DMD: variants seen among roughly 807,000 people sequenced by gnomAD.
DMD encodes the protein mutant dystrophin.
Under a neutral mutation model 330.1 loss-of-function variants are expected in DMD, and 63 were observed. That is an observed-to-expected ratio of 0.19 (90% CI 0.16 to 0.24). DMD has a LOEUF of 0.24. Among genes scored for constraint, DMD ranks in the 10% least tolerant of loss-of-function variants. The probability of loss-of-function intolerance (pLI) is 1.00; values close to 1 mark genes in which losing one functional copy is unlikely to be tolerated. For missense variants in DMD, 3,344 were observed against 2,684.1 expected, an observed-to-expected ratio of 1.25 and a Z score of -5.43; for synonymous variants, 1,223 against 959.8, an observed-to-expected ratio of 1.27 and a Z score of -5.07.
chrX:32,081,803 G>A (rs2096393563), intron 44 of DMD, among the ~76,000 whole-genome samples: 1 of 111,125 alleles, frequency 9.0e-6, no homozygotes, highest in South Asian at 3.8e-4. Context: ...ACAGTGAGAC[G>A]AGATTGTGCC....
At chrX:33,033,060 C>T (rs1418213208) in intron 1 of DMD, among the ~76,000 whole-genome samples, 2 of 111,094 alleles carry the variant, frequency 1.8e-5, no homozygotes, top group Non-Finnish European at 3.8e-5. Flanking sequence ...ATCCTGGGAG[C>T]TAATCAAAAG....
intron 51 of DMD, among the ~76,000 whole-genome samples, chrX:31,736,891 T>C: frequency 9.0e-6 from 1 of 111,667 alleles, no homozygotes; most frequent in Middle Eastern, 4.6e-3. Context: ...ATGCTGTCTG[T>C]ATCATTTCCA....
intron 32 of DMD, among the ~76,000 whole-genome samples, chrX:32,387,343 T>G (rs2147575541): frequency 9.0e-6 from 1 of 111,205 alleles, no homozygotes; most frequent in South Asian, 3.7e-4. Flanking sequence ...TGTATTCAAA[T>G]ATATGTACGT....
chrX:31,489,472 GC>G (rs2146980027), intron 57 of DMD, among the ~76,000 whole-genome samples: 1 of 111,786 alleles, frequency 8.9e-6, no homozygotes, highest in South Asian at 3.8e-4. Context: ...CCTCACATAG[GC>G]CAGTACTCCT....
chrX:33,072,310 C>T (rs1230690773), intron 1 of DMD, among the ~76,000 whole-genome samples: 2 of 111,247 alleles, frequency 1.8e-5, no homozygotes, highest in South Asian at 3.8e-4. Context: ...CCTAGCTACT[C>T]GGGAGGCTGA....
At chrX:31,813,052 A>G (rs2092510684) in intron 50 of DMD, among the ~76,000 whole-genome samples, 1 of 112,035 alleles carries the variant, frequency 8.9e-6, no homozygotes, top group African/African-American at 3.2e-5. Flanking sequence ...GTTGTATCTC[A>G]GCAGGGAACA....
chrX:31,644,345 A>C (rs191177554), intron 54 of DMD, among the ~76,000 whole-genome samples: 4 of 111,394 alleles, frequency 3.6e-5, no homozygotes, highest in East Asian at 2.8e-4. Flanking sequence ...GCAATGTAAA[A>C]ACACACACAC....
intron 16 of DMD, among the ~76,000 whole-genome samples, chrX:32,553,889 G>C (rs1404943464): frequency 9.0e-6 from 1 of 111,572 alleles, no homozygotes; most frequent in Non-Finnish European, 1.9e-5. Context: ...GTTTGAAAGT[G>C]TGTGGCAACC....
At chrX:32,683,864 T>C (rs1464089723) in intron 9 of DMD, among the ~76,000 whole-genome samples, 1 of 109,936 alleles carries the variant, frequency 9.1e-6, no homozygotes, top group Non-Finnish European at 1.9e-5. Context: ...ATTGCCTCAA[T>C]ATTTCAAGGG....
At chrX:31,267,069 C>T in intron 62 of DMD, 1 of 335,914 alleles carries the variant, frequency 3.0e-6, no homozygotes, top group East Asian at 5.0e-5. Flanking sequence ...AGAGACTGGG[C>T]AGTTGGGGCT....
At chrX:32,013,013 A>T (rs987817605) in intron 44 of DMD, among the ~76,000 whole-genome samples, 1 of 109,653 alleles carries the variant, frequency 9.1e-6, no homozygotes, top group Non-Finnish European at 1.9e-5. Context: ...CTGCTACGTC[A>T]AGTGTGTGTT....
At chrX:32,183,567 TATAA>T (rs1265322936) in intron 44 of DMD, among the ~76,000 whole-genome samples, 7 of 59,590 alleles carry the variant, frequency 1.2e-4, no homozygotes, top group African/African-American at 3.9e-4. Flanking sequence ...TATATATATA[TATAA>T]ATATATATAT....
chrX:32,936,312 C>G (rs951004288), intron 2 of DMD, among the ~76,000 whole-genome samples: 1 of 111,273 alleles, frequency 9.0e-6, no homozygotes, highest in Non-Finnish European at 1.9e-5. Flanking sequence ...GCTTTTTCCA[C>G]TTTGGTCAGG....
intron 2 of DMD, among the ~76,000 whole-genome samples, chrX:32,994,692 T>G (rs1465935387): frequency 8.9e-6 from 1 of 111,915 alleles, no homozygotes; most frequent in Non-Finnish European, 1.9e-5. Flanking sequence ...GTAGACAACA[T>G]TCTGACCACA....
intron 7 of DMD, among the ~76,000 whole-genome samples, chrX:32,766,688 T>G (rs1488692088): frequency 9.0e-6 from 1 of 111,442 alleles, no homozygotes; most frequent in Non-Finnish European, 1.9e-5. Flanking sequence ...ATTTTTCTGA[T>G]GAAAATTTGA....
At chrX:32,622,639 A>T (rs1270298849) in intron 11 of DMD, among the ~76,000 whole-genome samples, 1 of 111,992 alleles carries the variant, frequency 8.9e-6, no homozygotes, top group South Asian at 3.7e-4. Context: ...ATTATACTTC[A>T]TATACAAAGT....
At chrX:33,096,067 T>C (rs1273127034) in intron 1 of DMD, among the ~76,000 whole-genome samples, 2 of 96,034 alleles carry the variant, frequency 2.1e-5, no homozygotes, top group Non-Finnish European at 4.0e-5. Context: ...CTCCGCCTCT[T>C]GGGCTCACGC....
chrX:33,330,321 G>A (rs921561100), intron 1 of DMD, among the ~76,000 whole-genome samples: 3 of 111,077 alleles, frequency 2.7e-5, no homozygotes, highest in African/African-American at 6.5e-5. Flanking sequence ...AAAACCTTAC[G>A]GATTATCTAA....
At chrX:32,972,399 C>T (rs2092414492) in intron 2 of DMD, among the ~76,000 whole-genome samples, 1 of 110,616 alleles carries the variant, frequency 9.0e-6, no homozygotes, top group East Asian at 2.8e-4. Flanking sequence ...TGGCTTGCCT[C>T]AAACTCCTGA....
Sources: allele counts gnomAD v4.1 joint callset (sites outside exome capture counted in the v4.1 genomes callset), GRCh38; gene constraint gnomAD v4.1.1; transcripts MANE v1.5; gene names NCBI Gene and HGNC (gene_info 2026-07-23, HGNC 2026-07-21).